The following SHROOM3 variants were observed in gnomAD, a reference collection of about 807,000 sequenced individuals.
SHROOM3 encodes shroom family member 3.
In SHROOM3, 47 loss-of-function variants were observed where a neutral mutation model predicts 138.6. The observed-to-expected ratio is 0.34, with a 90% CI of 0.27 to 0.43. The LOEUF (loss-of-function observed/expected upper bound fraction) is 0.43, where lower values mean the gene tolerates loss of function less well. SHROOM3 is among the 20% of genes least tolerant of loss of function. SHROOM3 has a pLI of 1.00. For missense variants in SHROOM3, 2,491 were observed against 2,596.5 expected, an observed-to-expected ratio of 0.96 and a Z score of 0.88; for synonymous variants, 1,062 against 1,063.3, an observed-to-expected ratio of 1.00 and a Z score of 0.02.
At chr4:76,694,366 T>G (rs951537498) in intron 2 of SHROOM3, among the ~76,000 whole-genome samples, 12 of 18,298 alleles carry the variant, frequency 6.6e-4, no homozygotes, top group East Asian at 0.071. Context: ...TTTTTGTTTG[T>G]TTTTTTTTGT....
chr4:76,679,357 C>T (rs995544738), intron 2 of SHROOM3, among the ~76,000 whole-genome samples: 14 of 152,274 alleles, frequency 9.2e-5, no homozygotes, highest in African/African-American at 2.9e-4. Context: ...TTATCTCCTA[C>T]ACTGTTTCCC....
At chr4:76,742,168 A>G (rs1721285575) in intron 5 of SHROOM3, 3 of 583,022 alleles carry the variant, frequency 5.1e-6, no homozygotes, top group Non-Finnish European at 9.2e-6. Context: ...CTATCTGTCT[A>G]CCTCCATTTT....
chr4:76,596,375 G>C (rs1292875557), intron 2 of SHROOM3, among the ~76,000 whole-genome samples: 2 of 152,062 alleles, frequency 1.3e-5, no homozygotes, highest in African/African-American at 4.8e-5. Context: ...TCACACCACC[G>C]TACTCCAGCC....
intron 2 of SHROOM3, among the ~76,000 whole-genome samples, chr4:76,635,798 G>A (rs971847390): frequency 6.6e-6 from 1 of 152,180 alleles, no homozygotes; most frequent in African/African-American, 2.4e-5. Context: ...TGAGATGTGA[G>A]GTCCTCTGGA....
chr4:76,548,308 G>A (rs1008218041), intron 1 of SHROOM3, among the ~76,000 whole-genome samples: 1 of 152,178 alleles, frequency 6.6e-6, no homozygotes, highest in Non-Finnish European at 1.5e-5. Context: ...ACAGAGGGAG[G>A]ACTGCGGTTT....
intron 1 of SHROOM3, among the ~76,000 whole-genome samples, chr4:76,446,462 A>T (rs549901894): frequency 4.6e-5 from 7 of 152,088 alleles, no homozygotes; most frequent in Non-Finnish European, 7.4e-5. Context: ...CTGGGAGTTC[A>T]ACTGGGCTCT....
chr4:76,461,637 G>A lies in SHROOM3; in HGVS notation c.168+25417G>A, dbSNP rs371968450. Among the ~76,000 whole-genome samples, 58 of 152,344 alleles carry A rather than the reference G, an allele frequency of 3.8e-4. No homozygotes were observed. In the South Asian group the frequency reaches 0.011, roughly 29 times the overall value. ...TCAAGAATATGACAGTGCAGGAGTT[G>A]ACATAGTTCTGAGACAGCAGTGTGA... On this transcript the variant is annotated intron_variant, in intron 1 of 10. Transcript: ENST00000296043.
At chr4:76,441,501 C>G (rs1226603123) in intron 1 of SHROOM3, among the ~76,000 whole-genome samples, 3 of 152,310 alleles carry the variant, frequency 2.0e-5, no homozygotes, top group East Asian at 3.9e-4. Flanking sequence ...ATTAGATCAG[C>G]TCGTCATTCT....
intron 4 of SHROOM3, among the ~76,000 whole-genome samples, chr4:76,731,498 C>T (rs1329529203): frequency 6.6e-6 from 1 of 152,036 alleles, no homozygotes; most frequent in African/African-American, 2.4e-5. Flanking sequence ...TTGAAGCTTG[C>T]GGCTGGGTGC....
intron 2 of SHROOM3, among the ~76,000 whole-genome samples, chr4:76,680,331 G>A (rs1023087294): frequency 1.2e-4 from 18 of 152,080 alleles, no homozygotes; most frequent in African/African-American, 4.1e-4. Flanking sequence ...AGTAGACACG[G>A]GGTTTCACTG....
At chr4:76,682,195 A>G (rs1240536482) in intron 2 of SHROOM3, among the ~76,000 whole-genome samples, 2 of 152,160 alleles carry the variant, frequency 1.3e-5, no homozygotes, top group Non-Finnish European at 2.9e-5. Flanking sequence ...TTGGTCAGTG[A>G]ATGACACTGA....
At chr4:76,747,016 C>T (rs937569832) in intron 5 of SHROOM3, among the ~76,000 whole-genome samples, 7 of 151,926 alleles carry the variant, frequency 4.6e-5, no homozygotes, top group African/African-American at 1.7e-4. Context: ...GACGGGGTTT[C>T]ACCACGTTAG....
At chr4:76,655,524 A>G (rs1736046341) in intron 2 of SHROOM3, among the ~76,000 whole-genome samples, 3 of 152,218 alleles carry the variant, frequency 2.0e-5, no homozygotes, top group Admixed American at 1.3e-4. Context: ...CTAAAAGTGG[A>G]AAGTTATGGA....
chr4:76,490,880 G>A (rs1238190618), intron 1 of SHROOM3, among the ~76,000 whole-genome samples: 1 of 120,658 alleles, frequency 8.3e-6, no homozygotes, highest in Non-Finnish European at 2.0e-5. Flanking sequence ...GGAGGGTGAA[G>A]TCACTAGCCC....
At chr4:76,622,311 T>C (rs1212548793) in intron 2 of SHROOM3, among the ~76,000 whole-genome samples, 3 of 152,112 alleles carry the variant, frequency 2.0e-5, no homozygotes, top group Admixed American at 6.5e-5. Flanking sequence ...TGTAGAACCA[T>C]AGCACTTGTA....
chr4:76,462,712 C>A (rs1254455765), intron 1 of SHROOM3, among the ~76,000 whole-genome samples: 1 of 149,024 alleles, frequency 6.7e-6, no homozygotes, highest in East Asian at 2.0e-4. Context: ...CTCTCCCTCT[C>A]CCTCTCCCTC....
Position 76,740,132 on chromosome 4 carries a change from C to T in SHROOM3, c.1959C>T (p.Gly653=), listed in dbSNP as rs2110133938. The T allele has an allele frequency of 6.2e-7, 1 of 1,613,868 alleles. No individual in the cohort carries two copies. Among genetic ancestry groups the T allele is most frequent in the Non-Finnish European group, 8.5e-7 (1 of 1,180,030 alleles). The change falls in exon 5 of 11, where the codon GGC becomes GGT. Residue 653 remains glycine (G), a synonymous_variant. Transcript: ENST00000296043. This position sits in a 1 kb window ranked among gnomAD's most constrained non-coding sequence, Gnocchi z 4.0. ...AAGGCCTAGGCCAGAGCCTGTCAGG[C>T]AACTTTGGCAAGACCAAGTCAGCCT... The part of the protein sequence containing the change: ...EREGLGQSLS[G]NFGKTKSAFS...
chr4:76,571,347 C>A (rs1733828984), intron 2 of SHROOM3, among the ~76,000 whole-genome samples: 1 of 152,158 alleles, frequency 6.6e-6, no homozygotes, highest in Non-Finnish European at 1.5e-5. Flanking sequence ...ATCCCTGAAC[C>A]AATATGGGTT....
chr4:76,741,575 C>T lies in SHROOM3; in HGVS notation c.3402C>T (p.Ala1134=). Residue 1134 remains alanine, a synonymous_variant, in exon 5 of 11, where the codon GCC becomes GCT. Coordinates refer to ENST00000296043, the MANE Select transcript of SHROOM3 (RefSeq NM_020859.4). This position sits in a 1 kb window ranked among gnomAD's most constrained non-coding sequence, Gnocchi z 6.2. ...GPAALEGSGL[A]SASSLSSLRE... is the part of the protein sequence containing the mutation. Reference sequence around the variant, plus strand: ...CGGCGCTCGAAGGCTCCGGCCTCGCCTCGGCCTCCAGCTTGAGCTCACTGC... The same window carrying T: ...CGGCGCTCGAAGGCTCCGGCCTCGCTTCGGCCTCCAGCTTGAGCTCACTGC... 2 of 1,543,114 alleles carry T rather than the reference C, an allele frequency of 1.3e-6. No individual in the cohort carries two copies. The highest frequency in any genetic ancestry group is 2.4e-5 in the East Asian group (1 of 41,346).
Sources: gnomAD v4.1 joint callset for allele counts (sites outside exome capture counted in the v4.1 genomes callset) on GRCh38, gnomAD v4.1.1 for gene constraint, Gnocchi (gnomAD v3.1) non-coding constraint, MANE v1.5 for transcripts, NCBI Gene and HGNC (gene_info 2026-07-23, HGNC 2026-07-21) for gene names.